The following USP38 variants were observed in gnomAD, a reference collection of about 807,000 sequenced individuals.
USP38 encodes the protein ubiquitin specific peptidase 38.
USP38 carries 49 observed loss-of-function variants against 94.3 expected under a neutral mutation model. The observed-to-expected ratio is 0.52, with a 90% confidence interval of 0.41 to 0.66. The LOEUF (loss-of-function observed/expected upper bound fraction) is 0.66. USP38 is among the 30% of genes least tolerant of loss of function. The pLI is 0.00. For missense variants in USP38, 1,128 were observed against 1,229.4 expected (o/e 0.92, Z 1.23); for synonymous variants, 468 against 463.6 (o/e 1.01, Z -0.12).
In USP38 at chr4:143,188,134, A is replaced by G. The variant is rs1299391005; in HGVS notation, c.818+173A>G. 3.3e-5 allele frequency among the ~76,000 whole-genome samples: 5 copies of G among 152,182 alleles called. No individual in the cohort carries two copies. Among genetic ancestry groups the G allele is most frequent in the African/African-American group, 1.2e-4 (5 of 41,464 alleles). ...GTTTATAGCGTTGACAGGCATCCCA[A>G]TAATTCACAAATCTATTTTCAATTC... On this transcript the variant is annotated intron_variant, in intron 2 of 9. Transcript: ENST00000307017.
At chr4:143,190,283 A>G (rs550171163) in intron 2 of USP38, among the ~76,000 whole-genome samples, 7 of 152,232 alleles carry the variant, frequency 4.6e-5, no homozygotes, top group Admixed American at 1.3e-4. Flanking sequence ...TTTTCTTTAC[A>G]TGACATAAAC....
intron 9 of USP38, 114 bp from the exon 10 acceptor site, chr4:143,220,181 G>C: frequency 8.7e-7 from 1 of 1,151,786 alleles, no homozygotes; most frequent in Non-Finnish European, 1.1e-6. Flanking sequence ...CAAAGTTATT[G>C]AGATTTGAAG....
chr4:143,193,364 C>A (rs896737259), intron 2 of USP38, among the ~76,000 whole-genome samples: 1 of 152,092 alleles, frequency 6.6e-6, no homozygotes, highest in Admixed American at 6.5e-5. Context: ...TCCTTATTGA[C>A]AATCATTTAG....
chr4:143,190,926 A>C (rs370451360), intron 2 of USP38, among the ~76,000 whole-genome samples: 1 of 152,050 alleles, frequency 6.6e-6, no homozygotes, highest in Admixed American at 6.5e-5. Context: ...CTCTTCAAAA[A>C]CAGTTATAGT....
chr4:143,185,470 G>A lies in USP38; in HGVS notation c.20G>A (p.Gly7Asp). 1.3e-6 allele frequency: 2 copies of A among 1,597,340 alleles called. No individual in the cohort carries two copies. The highest frequency in any genetic ancestry group is 1.7e-6 in the Non-Finnish European group (2 of 1,170,940). Residue 7 changes from glycine to aspartate, a missense_variant, in exon 1 of 10, where the codon GGC (glycine) becomes GAC (aspartate). Physicochemically the swap from Gly to Asp is moderately conservative, Grantham distance 94. Transcript: ENST00000307017. MDKILE[G>D]LVSSSHPLPL... Reference sequence around the variant, plus strand: ...GCGACAATGGACAAGATCCTGGAGGGCCTTGTGAGTTCCTCGCATCCCCTG... The same window carrying A: ...GCGACAATGGACAAGATCCTGGAGGACCTTGTGAGTTCCTCGCATCCCCTG...
Position 143,185,666 on chromosome 4 carries a change from C to G in USP38, c.216C>G (p.His72Gln). 6 of 1,614,186 alleles carry G rather than the reference C, an allele frequency of 3.7e-6. No individual in the cohort carries two copies. The highest frequency in any genetic ancestry group is 5.1e-6 in the Non-Finnish European group (6 of 1,180,036). Residue 72 changes from histidine to glutamine, a missense_variant, in exon 1 of 10, where the codon CAC (histidine) becomes CAG (glutamine). His to Gln is a conservative substitution (Grantham distance 24). Coordinates refer to ENST00000307017, the MANE Select transcript of USP38 (RefSeq NM_032557.6). ...HQVLEAYARY[H>Q]RPEFESFFNK... is the part of the protein sequence containing the mutation. Reference sequence around the variant, plus strand: ...TGCTGGAGGCCTACGCACGATACCACCGGCCAGAGTTCGAGTCCTTCTTCA... The same window carrying G: ...TGCTGGAGGCCTACGCACGATACCAGCGGCCAGAGTTCGAGTCCTTCTTCA...
At chr4:143,204,179 C>T (rs1479230851) in intron 5 of USP38, among the ~76,000 whole-genome samples, 1 of 152,020 alleles carries the variant, frequency 6.6e-6, no homozygotes, top group Non-Finnish European at 1.5e-5. Flanking sequence ...AGGGTTTTAC[C>T]ATGTTGGCCA....
At chr4:143,192,479 A>C (rs546541203) in intron 2 of USP38, among the ~76,000 whole-genome samples, 20 of 151,780 alleles carry the variant, frequency 1.3e-4, no homozygotes, top group Admixed American at 1.2e-3. Context: ...TTGCTTTCTG[A>C]AAGAGTTGTA....
rs776251785 is a variant in USP38, at chr4:143,214,931, A to C, written c.2955A>C (p.Lys985Asn). Residue 985 changes from lysine (K) to asparagine (N), a missense_variant, in exon 9 of 10, where the codon AAA (lysine) becomes AAC (asparagine). By Grantham distance (94) the Lys-to-Asn change is moderately conservative (BLOSUM62 0). Coordinates refer to ENST00000307017, the MANE Select transcript of USP38 (RefSeq NM_032557.6). ...ELMDAITKDN[K>N]LYLQEQELNA... Reference sequence around the variant, plus strand: ...TGGATGCTATAACAAAAGACAATAAACTATATTTACAGGTAAGTTGGAAAT... The same window carrying C: ...TGGATGCTATAACAAAAGACAATAACCTATATTTACAGGTAAGTTGGAAAT... 3 of 1,611,184 alleles carry C rather than the reference A, an allele frequency of 1.9e-6. No homozygotes were observed. Among genetic ancestry groups the C allele is most frequent in the Non-Finnish European group, 2.5e-6 (3 of 1,179,020 alleles).
At chr4:143,213,317 C>T (rs1369364777) in intron 8 of USP38, among the ~76,000 whole-genome samples, 3 of 151,994 alleles carry the variant, frequency 2.0e-5, no homozygotes, top group Non-Finnish European at 2.9e-5. Context: ...AGTTAAGGGA[C>T]GTTTATAATT....
Position 143,213,776 on chromosome 4 carries a change from T to C in USP38, c.1800T>C (p.Cys600=), listed in dbSNP as rs752331973. The C allele has an allele frequency of 3.1e-6, 5 of 1,613,806 alleles. No individual in the cohort carries two copies. Among genetic ancestry groups the C allele is most frequent in the Non-Finnish European group, 4.2e-6 (5 of 1,179,832 alleles). The part of the protein sequence containing the change: ...FGGKLRTHIR[C]LNCRSTSQKV... ...GAAAACTACGAACTCACATACGTTG[T>C]TTGAACTGCAGGAGTACCTCACAAA... The change falls in exon 9 of 10, where the codon TGT becomes TGC. Residue 600 remains cysteine, a synonymous_variant. Transcript: ENST00000307017.
chr4:143,185,448 A>T lies in USP38; in HGVS notation c.-3A>T. 6.4e-7 allele frequency: 1 copy of T among 1,573,396 alleles called. No individual in the cohort carries two copies. ...CTGGCCCTGGCCTTGCAGCGTGGCG[A>T]CAATGGACAAGATCCTGGAGGGCCT... On this transcript the variant is annotated 5_prime_UTR_variant, in exon 1 of 10. Coordinates refer to ENST00000307017, the MANE Select transcript of USP38 (RefSeq NM_032557.6).
chr4:143,212,175 C>T, intron 7 of USP38, 143 bp from the exon 8 acceptor site: 1 of 520,686 alleles, frequency 1.9e-6, no homozygotes, highest in Non-Finnish European at 3.3e-6. Context: ...TTTATCTGTC[C>T]CTAAGTTGCC....
In USP38 at chr4:143,220,322, G is replaced by T; in HGVS notation, c.2995G>T (p.Ala999Ser). ...ACAAGAGTTGAATGCTCGAGCCCGG[G>T]CCCTCCAAGCTGCATCTGCTTCATG... ...QEQELNARAR[A>S]LQAASASCSF... Residue 999 changes from alanine to serine, a missense_variant, in exon 10 of 10, where the codon GCC becomes TCC. Ala to Ser is a moderately conservative substitution (Grantham distance 99, BLOSUM62 1). Coordinates refer to ENST00000307017, the MANE Select transcript of USP38 (RefSeq NM_032557.6). 6.2e-7 allele frequency: 1 copy of T among 1,612,512 alleles called. No individual in the cohort carries two copies. Among genetic ancestry groups the T allele is most frequent in the South Asian group, 1.1e-5 (1 of 90,956 alleles).
At chr4:143,210,393 C>G (rs1167615488) in intron 7 of USP38, among the ~76,000 whole-genome samples, 2 of 152,030 alleles carry the variant, frequency 1.3e-5, no homozygotes, top group Admixed American at 1.3e-4. Flanking sequence ...TTGAGACCAG[C>G]CTGGCCAACA....
chr4:143,200,568 A>G (rs1731684220), intron 4 of USP38, among the ~76,000 whole-genome samples: 3 of 152,316 alleles, frequency 2.0e-5, no homozygotes, highest in South Asian at 2.1e-4. Context: ...GGTGACATCC[A>G]TATAGGAAGA....
rs200663089 is a variant in USP38, at chr4:143,214,209, C to T, written c.2233C>T (p.Leu745=). 134 of 1,613,638 alleles carry T rather than the reference C, an allele frequency of 8.3e-5. 1 individual carries two copies. The highest frequency in any genetic ancestry group is 1.1e-4 in the Non-Finnish European group (131 of 1,179,808). ...ATATTATTGTGAAAACTGTGCCTCTCTGCAAAATGCTGAGAAAACTATGCA... is the reference window on the plus strand; with the variant it reads ...ATATTATTGTGAAAACTGTGCCTCTTTGCAAAATGCTGAGAAAACTATGCA... ...NQYYCENCAS[L]QNAEKTMQIT... The change falls in exon 9 of 10, where the codon CTG becomes TTG. Residue 745 remains leucine, a synonymous_variant. Transcript: ENST00000307017.
At chr4:143,200,805 G>A (rs1215398332) in intron 4 of USP38, among the ~76,000 whole-genome samples, 1 of 152,026 alleles carries the variant, frequency 6.6e-6, no homozygotes, top group Non-Finnish European at 1.5e-5. Context: ...AAATACCTAG[G>A]AATACAGCTA....
Position 143,212,330 on chromosome 4 carries a change from G to T in USP38, c.1510G>T (p.Ala504Ser). ...TTGCTCTCAAAAGAGGGAAGCATAC[G>T]CACCTCGGATATTCTTTGAGGCTTC... ...FLAHTQREAYAPRIFFEASRP... is the reference protein window; with the variant it reads ...FLAHTQREAYSPRIFFEASRP... The change falls in exon 8 of 10, where the codon GCA becomes TCA. Residue 504 changes from alanine (A) to serine (S), a missense_variant. Transcript: ENST00000307017. 6.2e-7 allele frequency: 1 copy of T among 1,608,660 alleles called. No homozygotes were observed. The highest frequency in any genetic ancestry group is 8.5e-7 in the Non-Finnish European group (1 of 1,177,332).
Sources: gnomAD v4.1 joint callset for allele counts (sites outside exome capture counted in the v4.1 genomes callset) on GRCh38, gnomAD v4.1.1 for gene constraint, MANE v1.5 for transcripts, NCBI Gene and HGNC (gene_info 2026-07-23, HGNC 2026-07-21) for gene names.